Variants in NELL1 observed in about 807,000 individuals in gnomAD.
NELL1 encodes neural EGFL like 1.
A neutral mutation model predicts 107.4 loss-of-function variants in NELL1; 76 were observed. The ratio of observed to expected loss-of-function variants is 0.71; its 90% CI spans 0.59 to 0.86. The LOEUF (loss-of-function observed/expected upper bound fraction) is 0.86, where lower values mean the gene tolerates loss of function less well. Ranked by LOEUF, NELL1 falls within the 40% of genes least tolerant of loss-of-function variation. The pLI, the probability that NELL1 is intolerant of heterozygous loss-of-function variation, is 0.00. For missense variants in NELL1, 1,024 were observed against 1,005.5 expected (o/e 1.02, Z -0.25); for synonymous variants, 353 against 341.2 (o/e 1.03, Z -0.38).
intron 15 of NELL1, among the ~76,000 whole-genome samples, chr11:21,410,911 A>G (rs1423359061): frequency 6.6e-6 from 1 of 152,086 alleles, no homozygotes; most frequent in African/African-American, 2.4e-5. Flanking sequence ...ATATAAACTC[A>G]GAATTTCTTC....
chr11:20,946,902 A>C (rs1850973496), intron 10 of NELL1, among the ~76,000 whole-genome samples: 1 of 152,206 alleles, frequency 6.6e-6, no homozygotes, highest in Non-Finnish European at 1.5e-5. Flanking sequence ...GGCATGCCAG[A>C]GCTCACATAA....
intron 15 of NELL1, among the ~76,000 whole-genome samples, chr11:21,412,110 C>A (rs1353095404): frequency 6.6e-6 from 1 of 152,150 alleles, no homozygotes; most frequent in East Asian, 1.9e-4. Context: ...TAGGCATTCT[C>A]AAATTCAAGG....
At chr11:21,064,275 T>C (rs899532493) in intron 12 of NELL1, among the ~76,000 whole-genome samples, 1 of 152,136 alleles carries the variant, frequency 6.6e-6, no homozygotes, top group Non-Finnish European at 1.5e-5. Context: ...TGGCACTAAC[T>C]TCCTCTTTAA....
At chr11:20,961,653 A>T (rs1851293178) in intron 12 of NELL1, among the ~76,000 whole-genome samples, 1 of 152,126 alleles carries the variant, frequency 6.6e-6, no homozygotes, top group African/African-American at 2.4e-5. Flanking sequence ...TAAACTTTGC[A>T]TGCTGACTTA....
At chr11:20,971,481 C>G (rs1851500560) in intron 12 of NELL1, among the ~76,000 whole-genome samples, 1 of 152,108 alleles carries the variant, frequency 6.6e-6, no homozygotes. Context: ...TACCTTTCAA[C>G]TATCTCTAAG....
chr11:20,754,804 A>G (rs1434944883), intron 2 of NELL1, among the ~76,000 whole-genome samples: 2 of 152,240 alleles, frequency 1.3e-5, no homozygotes, highest in Non-Finnish European at 2.9e-5. Context: ...TCAATTTTCA[A>G]AATTACAGTG....
chr11:20,701,295 C>T (rs7927630), intron 2 of NELL1, among the ~76,000 whole-genome samples: 14 of 152,098 alleles, frequency 9.2e-5, no homozygotes, highest in African/African-American at 2.9e-4. Context: ...CTTTTGGCTG[C>T]ATAAATGTCT....
chr11:21,537,834 T>C (rs1856175734), intron 16 of NELL1, among the ~76,000 whole-genome samples: 1 of 151,924 alleles, frequency 6.6e-6, no homozygotes, highest in South Asian at 2.1e-4. Context: ...TAGATTGTGG[T>C]GCATGACATG....
At chr11:20,776,002 T>G (rs1856742820) in intron 2 of NELL1, among the ~76,000 whole-genome samples, 1 of 152,202 alleles carries the variant, frequency 6.6e-6, no homozygotes. Context: ...TTTCTTATAT[T>G]GTGTTCCAGA....
intron 12 of NELL1, among the ~76,000 whole-genome samples, chr11:21,082,609 C>G (rs373093255): frequency 6.6e-6 from 1 of 152,306 alleles, no homozygotes; most frequent in East Asian, 1.9e-4. Context: ...CTCTTCCCAA[C>G]AAAGGCCAGA....
chr11:21,281,100 C>G (rs1168655604), intron 14 of NELL1, among the ~76,000 whole-genome samples: 1 of 151,642 alleles, frequency 6.6e-6, no homozygotes, highest in Non-Finnish European at 1.5e-5. Flanking sequence ...TGTCTTCCAT[C>G]TTGGATACCA....
chr11:20,786,797 A>G (rs1267103238), intron 3 of NELL1, among the ~76,000 whole-genome samples: 1 of 152,000 alleles, frequency 6.6e-6, no homozygotes, highest in Non-Finnish European at 1.5e-5. Context: ...TCACAAGGTC[A>G]GGAGATCGAG....
intron 2 of NELL1, among the ~76,000 whole-genome samples, chr11:20,748,821 G>A (rs893505338): frequency 6.7e-6 from 1 of 150,078 alleles, no homozygotes; most frequent in African/African-American, 2.5e-5. Flanking sequence ...CAGTTGATGG[G>A]CACTTAGGTT....
intron 12 of NELL1, among the ~76,000 whole-genome samples, chr11:21,101,905 C>T (rs1167695301): frequency 6.6e-6 from 1 of 152,140 alleles, no homozygotes; most frequent in Non-Finnish European, 1.5e-5. Context: ...CTCTTGTCAT[C>T]CAGGCTGTAG....
At chr11:21,050,099 G>T (rs1295540359) in intron 12 of NELL1, among the ~76,000 whole-genome samples, 1 of 152,096 alleles carries the variant, frequency 6.6e-6, no homozygotes, top group Non-Finnish European at 1.5e-5. Context: ...GCTTTCAGAG[G>T]CGATGAATAA....
intron 15 of NELL1, among the ~76,000 whole-genome samples, chr11:21,443,809 C>CCTGCAATCTA (rs1421877998): frequency 6.6e-6 from 1 of 151,506 alleles, no homozygotes; most frequent in East Asian, 1.9e-4. Context: ...GAGATTACAC[C>CCTGCAATCTA]CTGCACTCTA....
At chr11:21,394,650 G>C (rs1182590450) in intron 15 of NELL1, among the ~76,000 whole-genome samples, 1 of 151,406 alleles carries the variant, frequency 6.6e-6, no homozygotes, top group Non-Finnish European at 1.5e-5. Context: ...GTTAATTGAT[G>C]ATGGGTCTCT....
Position 20,838,399 on chromosome 11 carries a change from A to G in NELL1, c.336-9184A>G, listed in dbSNP as rs1255289200. ...TTAGGTGAAAACTAAGAAAATCTAA[A>G]TAAAATATAGACTTGGTTAATAATC... On this transcript the variant is annotated intron_variant, in intron 3 of 19. Coordinates refer to ENST00000357134, the MANE Select transcript of NELL1 (RefSeq NM_006157.5). Among the ~76,000 whole-genome samples the G allele has an allele frequency of 1.1e-4, 16 of 151,152 alleles. No homozygotes were observed. In the East Asian group the frequency reaches 2.9e-3, roughly 27 times the overall value.
At chr11:21,451,314 C>G (rs569709145) in intron 15 of NELL1, among the ~76,000 whole-genome samples, 1 of 151,884 alleles carries the variant, frequency 6.6e-6, no homozygotes, top group African/African-American at 2.4e-5. Context: ...CTGATTTAAT[C>G]TTTTGAATAA....
Sources: gnomAD v4.1 joint callset for allele counts (sites outside exome capture counted in the v4.1 genomes callset) on GRCh38, gnomAD v4.1.1 for gene constraint, MANE v1.5 for transcripts, NCBI Gene and HGNC (gene_info 2026-07-23, HGNC 2026-07-21) for gene names.